Variants in HERC2 observed in about 807,000 individuals in gnomAD.
The protein encoded by HERC2 is HECT and RLD domain containing E3 ubiquitin protein ligase 2.
Under a neutral mutation model 537.7 loss-of-function variants are expected in HERC2, and 102 were observed. That is an observed-to-expected ratio of 0.19 (90% confidence interval 0.16 to 0.22). The LOEUF (loss-of-function observed/expected upper bound fraction) is 0.22, where lower values mean the gene tolerates loss of function less well. Ranked by LOEUF, HERC2 falls within the 10% of genes least tolerant of loss-of-function variation. The pLI is 1.00. For missense variants in HERC2, 4,236 were observed against 6,198.2 expected (o/e 0.68, Z 10.63); for synonymous variants, 2,224 against 2,466.2 (o/e 0.90, Z 2.91).
At position 28,268,413 on chromosome 15, in the gene HERC2, T is replaced by C. The variant is rs1489893462; in HGVS notation, c.1598+52A>G. ...CTTCTGCGCTCCATCCTGTTTAGGA[T>C]ATGGCAACATAAAAGGAGAGTGTGT... is the stretch of plus-strand genomic sequence containing the variant. On this transcript the variant is annotated intron_variant, in intron 12 of 92. Coordinates refer to ENST00000261609, the MANE Select transcript of HERC2 (RefSeq NM_004667.6). This position sits in a 1 kb window ranked among gnomAD's most constrained non-coding sequence, Gnocchi z 4.7. 1.3e-6 allele frequency: 2 copies of C among 1,547,664 alleles called. No homozygotes were observed. The highest frequency in any genetic ancestry group is 1.8e-6 in the Non-Finnish European group (2 of 1,128,966).
chr15:28,224,362 T>C (rs1002350914), intron 35 of HERC2, among the ~76,000 whole-genome samples: 4 of 151,990 alleles, frequency 2.6e-5, no homozygotes, highest in East Asian at 1.9e-4. Flanking sequence ...GCTGGGACCA[T>C]AGGCACACAC....
chr15:28,146,659 G>T (rs1329107330), intron 70 of HERC2, among the ~76,000 whole-genome samples: 2 of 151,178 alleles, frequency 1.3e-5, no homozygotes, highest in Admixed American at 1.3e-4. Flanking sequence ...CTGACCAGGG[G>T]CTGTGGGAAT....
chr15:28,176,844 C>T lies in HERC2; in HGVS notation c.9433-76G>A. The stretch of plus-strand genomic sequence containing the variant: ...CAATGGATTTTCCCACAGATAAAGC[C>T]AACCATGCACACATCTTTATGAACT... On this transcript the variant is annotated intron_variant, in intron 61 of 92. Transcript: ENST00000261609. The surrounding 1 kb of genome is among the most constrained non-coding windows in gnomAD (Gnocchi z 5.0). The T allele has an allele frequency of 6.4e-7, 1 of 1,572,624 alleles. No individual in the cohort carries two copies. Among genetic ancestry groups the T allele is most frequent in the Non-Finnish European group, 8.7e-7 (1 of 1,147,050 alleles).
chr15:28,240,030 T>C (rs1359715770), intron 23 of HERC2, among the ~76,000 whole-genome samples: 1 of 150,546 alleles, frequency 6.6e-6, no homozygotes, highest in Non-Finnish European at 1.5e-5. Context: ...GTTAATCTTA[T>C]AGACAAGATA....
intron 22 of HERC2, 126 bp downstream of exon 22, chr15:28,246,616 G>T: frequency 1.4e-6 from 1 of 717,754 alleles, no homozygotes; most frequent in Non-Finnish European, 2.2e-6. Flanking sequence ...AAAAACAAAG[G>T]TGAAAGGGCA....
chr15:28,124,154 G>T lies in HERC2; in HGVS notation c.13071C>A (p.Ser4357=). The change falls in exon 85 of 93, where the codon TCC becomes TCA. Residue 4357 remains serine (S), a synonymous_variant. Coordinates refer to ENST00000261609, the MANE Select transcript of HERC2 (RefSeq NM_004667.6). ...RNRLLLLHHL[S]ELFCPCIPMF... The stretch of plus-strand genomic sequence containing the variant: ...TGGGGATGCAGGGGCAGAAGAGCTC[G>T]GAGAGGTGGTGCAGCAGCAGCAGAC... The T allele has an allele frequency of 1.9e-6, 3 of 1,591,426 alleles. No individual in the cohort carries two copies. Among genetic ancestry groups the T allele is most frequent in the Non-Finnish European group, 2.6e-6 (3 of 1,169,016 alleles).
chr15:28,204,589 C>T (rs1322551191), intron 45 of HERC2, among the ~76,000 whole-genome samples: 1 of 146,470 alleles, frequency 6.8e-6, no homozygotes, highest in Non-Finnish European at 1.5e-5. Flanking sequence ...CACTGCACTC[C>T]AGCCTGGAGA....
chr15:28,162,260 G>GTAGA (rs1173156751), intron 69 of HERC2, among the ~76,000 whole-genome samples: 1 of 152,234 alleles, frequency 6.6e-6, no homozygotes, highest in African/African-American at 2.4e-5. Context: ...ATCCCGGGAG[G>GTAGA]TAGAGGTGAT....
chr15:28,301,939 AC>A (rs2076649139), intron 2 of HERC2, among the ~76,000 whole-genome samples: 3 of 150,542 alleles, frequency 2.0e-5, no homozygotes, highest in Non-Finnish European at 4.4e-5. Context: ...AGCTGGGACT[AC>A]AGGCTCACAC....
intron 30 of HERC2, among the ~76,000 whole-genome samples, chr15:28,231,556 A>T (rs1901850418): frequency 6.6e-6 from 1 of 152,160 alleles, no homozygotes; most frequent in Non-Finnish European, 1.5e-5. Flanking sequence ...AATTCTTCAC[A>T]CATGATATGA....
rs148040734 is a variant in HERC2, at chr15:28,152,667, G to A, written c.10900+10C>T. 1.0e-3 allele frequency: 1,565 copies of A among 1,541,580 alleles called. 5 individuals are homozygous for A. The African/African-American group carries it at 0.02, about 19-fold the overall frequency. The stretch of plus-strand genomic sequence containing the variant: ...AGGCTGCAGCTCCCCGCTGGGGCCA[G>A]CCCCTGTACCTGGTATCTTCACTGT... On this transcript the variant is annotated intron_variant, in intron 70 of 92. Transcript: ENST00000261609.
At chr15:28,194,582 AAAC>A (rs1897175231) in intron 52 of HERC2, among the ~76,000 whole-genome samples, 1 of 151,458 alleles carries the variant, frequency 6.6e-6, no homozygotes, top group African/African-American at 2.4e-5. Flanking sequence ...AAAAAAAACA[AAAC>A]AAAACAAAAC....
chr15:28,255,738 A>T, intron 19 of HERC2, 134 bp downstream of exon 19: 2 of 979,644 alleles, frequency 2.0e-6, no homozygotes, highest in Non-Finnish European at 1.5e-6. Context: ...CACATAAAAG[A>T]ATTTTAATTT....
At chr15:28,284,537 T>C (rs1193898185) in intron 4 of HERC2, among the ~76,000 whole-genome samples, 3 of 148,512 alleles carry the variant, frequency 2.0e-5, no homozygotes, top group African/African-American at 7.4e-5. Flanking sequence ...AATAGAAGTA[T>C]AGAAAAAAAA....
At chr15:28,300,293 T>C (rs1282925881) in intron 2 of HERC2, among the ~76,000 whole-genome samples, 1 of 149,434 alleles carries the variant, frequency 6.7e-6, no homozygotes, top group African/African-American at 2.5e-5. Flanking sequence ...AATTAAATCA[T>C]AAAAAAGCGA....
intron 12 of HERC2, among the ~76,000 whole-genome samples, chr15:28,266,454 G>A (rs2075570275): frequency 6.6e-6 from 1 of 152,108 alleles, no homozygotes; most frequent in South Asian, 2.1e-4. Context: ...GGAGGAGGTT[G>A]CAGTGAGGTG....
intron 33 of HERC2, 35 bp from the exon 34 acceptor site, chr15:28,229,381 A>C: frequency 6.2e-7 from 1 of 1,613,336 alleles, no homozygotes; most frequent in Middle Eastern, 1.7e-4. Flanking sequence ...GACTTGGGAC[A>C]CTGCCAGACT....
At chr15:28,286,181 C>CTATTAAGAAGCTAATATTAGAAGCTAA (rs1376243234) in intron 4 of HERC2, among the ~76,000 whole-genome samples, 11 of 151,986 alleles carry the variant, frequency 7.2e-5, no homozygotes, top group South Asian at 6.2e-4. Context: ...TAAGAAGCTA[C>CTATTAAGAAGCTAATATTAGAAGCTAA]TATTAAGAAG....
At chr15:28,192,289 A>G in intron 52 of HERC2, 138 bp from the exon 53 acceptor site, 1 of 684,524 alleles carries the variant, frequency 1.5e-6, no homozygotes, top group African/African-American at 1.8e-5. Context: ...TAAATGCCAC[A>G]AATGGTTTCC....
Sources: gnomAD v4.1 joint callset for allele counts (sites outside exome capture counted in the v4.1 genomes callset) on GRCh38, gnomAD v4.1.1 for gene constraint, Gnocchi (gnomAD v3.1) non-coding constraint, MANE v1.5 for transcripts, NCBI Gene and HGNC (gene_info 2026-07-23, HGNC 2026-07-21) for gene names.